Variants in ZNF276 observed in about 807,000 individuals in gnomAD.
The protein encoded by ZNF276 is centromere protein Z.
Under a neutral mutation model 63.9 loss-of-function variants are expected in ZNF276, and 59 were observed. The ratio of observed to expected loss-of-function variants is 0.92; its 90% CI spans 0.75 to 1.15. The LOEUF is 1.15. ZNF276 is among the 50% of genes most tolerant of loss of function. ZNF276 has a pLI of 0.00. For synonymous variants in ZNF276, 496 were observed against 348.4 expected (o/e 1.42, Z -4.72); for missense variants, 1,084 against 843.8 (o/e 1.28, Z -3.53).
At position 89,737,807 on chromosome 16, in the gene ZNF276, G is replaced by C; in HGVS notation, c.1476G>C (p.Glu492Asp). 6.2e-7 allele frequency: 1 copy of C among 1,614,168 alleles called. No homozygotes were observed. Among genetic ancestry groups the C allele is most frequent in the Non-Finnish European group, 8.5e-7 (1 of 1,180,036 alleles). The part of the protein sequence containing the change: ...LQRHVKLIHT[E>D]VRNYICDECG... ...ACTCACTGGACTCTCCCCTCTCAGA[G>C]GTGCGGAACTATATCTGTGACGAAT... Residue 492 changes from glutamate (E) to aspartate (D), a missense_variant and splice_region_variant, in exon 10 of 11, where the codon GAG becomes GAC. Coordinates refer to ENST00000443381, the MANE Select transcript of ZNF276 (RefSeq NM_001113525.2).
intron 8 of ZNF276, 140 bp downstream of exon 8, chr16:89,733,697 T>C (rs2061751425): frequency 4.9e-6 from 5 of 1,020,580 alleles, no homozygotes; most frequent in East Asian, 5.0e-5. Flanking sequence ...GAAGCAGTCC[T>C]AGCCAGTGCC....
Position 89,733,956 on chromosome 16 carries a change from G to T in ZNF276, c.1392G>T (p.Glu464Asp), listed in dbSNP as rs541512407. The T allele has an allele frequency of 6.8e-6, 11 of 1,613,890 alleles. No homozygotes were observed. Among genetic ancestry groups the T allele is most frequent in the Non-Finnish European group, 9.3e-6 (11 of 1,180,024 alleles). Residue 464 changes from glutamate (E) to aspartate (D), a missense_variant, in exon 9 of 11, where the codon GAG (glutamate) becomes GAT (aspartate). By Grantham distance (45) the Glu-to-Asp change is conservative. Coordinates refer to ENST00000443381, the MANE Select transcript of ZNF276 (RefSeq NM_001113525.2). ...AGGAGCACCACGAGGAGGTCCGGGA[G>T]CGGCCCTGCCCCCACCCTGGCTGCA... The part of the protein sequence containing the change: ...HIKEHHEEVR[E>D]RPCPHPGCNK...
intron 6 of ZNF276, among the ~76,000 whole-genome samples, chr16:89,729,698 C>T (rs972213474): frequency 3.9e-5 from 6 of 152,178 alleles, no homozygotes; most frequent in South Asian, 2.1e-4. Flanking sequence ...CCCAACCCGT[C>T]GCTTCTGCTT....
In ZNF276 at chr16:89,728,618, G is replaced by A. The variant is rs2061546002; in HGVS notation, c.1086-617G>A. ...GGGGTTTCACTTTGTTAGCCGGGAT[G>A]GTCTTGATCTCCTGACCTCGTGATC... is the stretch of plus-strand genomic sequence containing the variant. On this transcript the variant is annotated intron_variant, in intron 5 of 10. Transcript: ENST00000443381. Among the ~76,000 whole-genome samples the A allele has an allele frequency of 4.6e-5, 7 of 152,088 alleles. No homozygotes were observed. In the South Asian group the frequency reaches 1.5e-3, roughly 32 times the overall value.
intron 4 of ZNF276, among the ~76,000 whole-genome samples, chr16:89,726,229 CTT>C (rs1228308513): frequency 6.6e-6 from 1 of 151,844 alleles, no homozygotes; most frequent in African/African-American, 2.4e-5. Flanking sequence ...GAGTTTCACT[CTT>C]TGTTACCCAG....
intron 8 of ZNF276, 138 bp downstream of exon 8, chr16:89,733,695 C>T (rs964078151): frequency 5.8e-6 from 6 of 1,042,044 alleles, no homozygotes; most frequent in African/African-American, 4.7e-5. Context: ...CTGAAGCAGT[C>T]CTAGCCAGTG....
chr16:89,727,429 G>T, intron 5 of ZNF276, 72 bp downstream of exon 5: 1 of 1,541,672 alleles, frequency 6.5e-7, no homozygotes, highest in South Asian at 1.2e-5. Context: ...TCTGAGGGGT[G>T]AGAGAAGAGT....
chr16:89,720,768 G>T (rs1190568532), upstream of ZNF276: 3 of 1,450,776 alleles, frequency 2.1e-6, no homozygotes, highest in Non-Finnish European at 9.1e-7. Context: ...CTCACCCGGG[G>T]CCGGTTGCCG....
At chr16:89,723,790 T>G in intron 4 of ZNF276, 81 bp downstream of exon 4, 2 of 1,385,382 alleles carry the variant, frequency 1.4e-6, no homozygotes, top group Non-Finnish European at 1.9e-6. Flanking sequence ...AGTGAATGTC[T>G]CCACTGCTCT....
chr16:89,734,800 C>T (rs188291540), intron 9 of ZNF276, among the ~76,000 whole-genome samples: 2 of 152,182 alleles, frequency 1.3e-5, no homozygotes, highest in Admixed American at 6.5e-5. Context: ...CTGTGCCCGT[C>T]TTATTTTTCA....
Position 89,738,150 on chromosome 16 carries a change from G to A in ZNF276, c.1749G>A (p.Gln583=), listed in dbSNP as rs753485699. Residue 583 remains glutamine (Q), a synonymous_variant, in exon 11 of 11, where the codon CAG becomes CAA. Transcript: ENST00000443381. ...TGGTGCACCCGCTGACACAGACCCA[G>A]GACAAGGCCCTGCCCCTGGAGGCGG... The part of the protein sequence containing the change: ...MSMVHPLTQT[Q]DKALPLEAEP... 7.4e-6 allele frequency: 12 copies of A among 1,613,454 alleles called. No individual in the cohort carries two copies. The highest frequency in any genetic ancestry group is 9.3e-6 in the Non-Finnish European group (11 of 1,180,024).
At chr16:89,730,358 C>T (rs976300429) in intron 6 of ZNF276, among the ~76,000 whole-genome samples, 3 of 152,288 alleles carry the variant, frequency 2.0e-5, no homozygotes, top group Non-Finnish European at 1.5e-5. Context: ...CGGGTTGAGT[C>T]TGAATCCCAG....
intron 6 of ZNF276, among the ~76,000 whole-genome samples, chr16:89,730,953 G>A (rs913278499): frequency 6.6e-6 from 1 of 152,230 alleles, no homozygotes; most frequent in Non-Finnish European, 1.5e-5. Flanking sequence ...GCCAGGGCCT[G>A]CACCCCCATG....
chr16:89,739,903 A>C lies in ZNF276; in HGVS notation c.*1657A>C. On this transcript the variant is annotated 3_prime_UTR_variant, in exon 11 of 11. Coordinates refer to ENST00000443381, the MANE Select transcript of ZNF276 (RefSeq NM_001113525.2). ...GAGCTTATAAACTTACTTAGCAAGG[A>C]ACCTCAAGGAGGGCTCGTTCTTAAC... The C allele has an allele frequency of 1.9e-6, 3 of 1,579,612 alleles. No homozygotes were observed. The highest frequency in any genetic ancestry group is 2.6e-6 in the Non-Finnish European group (3 of 1,161,332).
At chr16:89,737,574 CT>C in intron 9 of ZNF276, 1 of 700,510 alleles carries the variant, frequency 1.4e-6, no homozygotes, top group Non-Finnish European at 2.2e-6. Flanking sequence ...TCTGAGGTTT[CT>C]TTAAAAACCA....
chr16:89,740,763 A>T lies in ZNF276; in HGVS notation c.*2517A>T. 6.3e-7 allele frequency: 1 copy of T among 1,587,704 alleles called. No homozygotes were observed. The highest frequency in any genetic ancestry group is 8.6e-7 in the Non-Finnish European group (1 of 1,158,088). ...GCTGCCTGGTGCCCCTGCCTGGCCC[A>T]CAGTGGGAGAGGACACCTTGGCTGG... On this transcript the variant is annotated 3_prime_UTR_variant, in exon 11 of 11. Coordinates refer to ENST00000443381, the MANE Select transcript of ZNF276 (RefSeq NM_001113525.2).
At position 89,723,267 on chromosome 16, in the gene ZNF276, G is replaced by T. The variant is rs61744522; in HGVS notation, c.564G>T (p.Leu188=). 35 of 1,613,100 alleles carry T rather than the reference G, an allele frequency of 2.2e-5. No homozygotes were observed. The African/African-American group carries it at 4.5e-4, about 21-fold the overall frequency. Reference sequence around the variant, plus strand: ...TCTGTTGACTCTCTGCAGTGGATCTGATCACATCCAGCCCCCAGTGCCTGC... The same window carrying T: ...TCTGTTGACTCTCTGCAGTGGATCTTATCACATCCAGCCCCCAGTGCCTGC... The part of the protein sequence containing the change: ...GAEEGACLVD[L]ITSSPQCLHG... Residue 188 remains leucine (L), a synonymous_variant, in exon 4 of 11, where the codon CTG becomes CTT. Coordinates refer to ENST00000443381, the MANE Select transcript of ZNF276 (RefSeq NM_001113525.2).
chr16:89,733,228 C>T, intron 6 of ZNF276, 74 bp from the exon 7 acceptor site: 1 of 1,352,212 alleles, frequency 7.4e-7, no homozygotes, highest in South Asian at 1.2e-5. Context: ...GACCATTTCT[C>T]AGGTTGGAGA....
chr16:89,720,574 C>G, upstream of ZNF276: 2 of 1,197,516 alleles, frequency 1.7e-6, no homozygotes, highest in Non-Finnish European at 2.1e-6. Flanking sequence ...AGGATCTGAG[C>G]TGTCCAAGGT....
Sources: gnomAD v4.1 joint callset for allele counts (sites outside exome capture counted in the v4.1 genomes callset) on GRCh38, gnomAD v4.1.1 for gene constraint, MANE v1.5 for transcripts, NCBI Gene and HGNC (gene_info 2026-07-23, HGNC 2026-07-21) for gene names.